Variants in PLEKHG3 observed in about 807,000 individuals in gnomAD.
PLEKHG3 encodes the protein pleckstrin homology domain-containing family G member 3.
A neutral mutation model predicts 94.9 loss-of-function variants in PLEKHG3; 62 were observed. The ratio of observed to expected loss-of-function variants is 0.65; its 90% CI spans 0.53 to 0.81. The LOEUF is 0.81. PLEKHG3 is among the 30% of genes least tolerant of loss of function. PLEKHG3 has a pLI of 0.00. For synonymous variants in PLEKHG3, 614 were observed against 654.0 expected, an observed-to-expected ratio of 0.94 and a Z score of 0.93; for missense variants, 1,461 against 1,619.3, an observed-to-expected ratio of 0.90 and a Z score of 1.68.
In PLEKHG3 at chr14:64,727,413, T is replaced by C. The variant is rs2081372705; in HGVS notation, c.-39-180T>C. 6.6e-6 allele frequency among the ~76,000 whole-genome samples: 1 copy of C among 152,226 alleles called. No individual in the cohort carries two copies. Among genetic ancestry groups the C allele is most frequent in the Non-Finnish European group, 1.5e-5 (1 of 68,040 alleles). On this transcript the variant is annotated intron_variant, in intron 1 of 16. Transcript: ENST00000247226. This position sits in a 1 kb window ranked among gnomAD's most constrained non-coding sequence, Gnocchi z 6.0. ...AGTTCAGTGACAGTAGGTACATTCA[T>C]ATCATTGTGCAATGTCATCACTGTC...
At chr14:64,729,281 C>T (rs191815068) in intron 3 of PLEKHG3, among the ~76,000 whole-genome samples, 188 bp downstream of exon 3, 68 of 152,200 alleles carry the variant, frequency 4.5e-4, no homozygotes, top group Middle Eastern at 6.8e-3. Flanking sequence ...CAAGGGCAGA[C>T]GGGGAGGTAA....
At position 64,732,448 on chromosome 14, in the gene PLEKHG3, A is replaced by G; in HGVS notation, c.1234A>G (p.Met412Val). Residue 412 changes from methionine (M) to valine (V), a missense_variant, in exon 11 of 17, where the codon ATG becomes GTG. Met to Val is a conservative substitution (Grantham distance 21). Coordinates refer to ENST00000247226, the MANE Select transcript of PLEKHG3 (RefSeq NM_001308147.2). The surrounding 1 kb of genome is among the most constrained non-coding windows in gnomAD (Gnocchi z 4.9). ...PQKAKEAILEMDSYYPNRYRC... is the reference protein window; with the variant it reads ...PQKAKEAILEVDSYYPNRYRC... ...TCAGGCCAAGGAAGCCATCTTGGAAATGGATTCCTATTGTAAGTGTACCCT... is the reference window on the plus strand; with the variant it reads ...TCAGGCCAAGGAAGCCATCTTGGAAGTGGATTCCTATTGTAAGTGTACCCT... The G allele has an allele frequency of 1.9e-6, 3 of 1,613,512 alleles. No homozygotes were observed. Among genetic ancestry groups the G allele is most frequent in the Non-Finnish European group, 2.5e-6 (3 of 1,179,424 alleles).
intron 15 of PLEKHG3, among the ~76,000 whole-genome samples, chr14:64,740,804 T>A (rs549710862): frequency 8.5e-5 from 13 of 152,328 alleles, no homozygotes; most frequent in African/African-American, 2.9e-4. Context: ...ACTGTTTTCC[T>A]TGGTTTTGAG....
At chr14:64,729,513 C>T (rs1250868636) in intron 3 of PLEKHG3, among the ~76,000 whole-genome samples, 1 of 152,192 alleles carries the variant, frequency 6.6e-6, no homozygotes, top group African/African-American at 2.4e-5. Flanking sequence ...TTGCACAACC[C>T]AGGCAAGACA....
At chr14:64,710,043 A>C (rs981696251) in intron 1 of PLEKHG3, among the ~76,000 whole-genome samples, 1 of 152,208 alleles carries the variant, frequency 6.6e-6, no homozygotes, top group African/African-American at 2.4e-5. Context: ...GCATGTAAGA[A>C]GGAGACCTAC....
At chr14:64,710,837 G>T (rs1453844123) in intron 1 of PLEKHG3, among the ~76,000 whole-genome samples, 4 of 151,618 alleles carry the variant, frequency 2.6e-5, no homozygotes, top group Non-Finnish European at 5.9e-5. Context: ...GGAGGGAGGG[G>T]GTGTGGAGGG....
rs150210946 is a variant in PLEKHG3 at position 64,722,695 on chromosome 14, G to T, written c.-39-4898G>T. Among the ~76,000 whole-genome samples, 7 of 152,284 alleles carry T rather than the reference G, an allele frequency of 4.6e-5. No individual in the cohort carries two copies. The East Asian group carries it at 1.4e-3, about 29-fold the overall frequency. On this transcript the variant is annotated intron_variant, in intron 1 of 16. Coordinates refer to ENST00000247226, the MANE Select transcript of PLEKHG3 (RefSeq NM_001308147.2). The surrounding 1 kb of genome is among the most constrained non-coding windows in gnomAD (Gnocchi z 4.3). ...GGTGAAGGGCAGTGGATGAAATGAC[G>T]ACATCAGCCTCTGAACCAGAATGTT...
intron 12 of PLEKHG3, among the ~76,000 whole-genome samples, chr14:64,733,434 C>T (rs1047768893): frequency 2.0e-4 from 31 of 152,310 alleles, no homozygotes; most frequent in African/African-American, 7.5e-4. Flanking sequence ...TCCCAAAGTA[C>T]TGGGATTATA....
rs1247106507 is a variant in PLEKHG3, at chr14:64,721,266, A to G, written c.-39-6327A>G. On this transcript the variant is annotated intron_variant, in intron 1 of 16. Transcript: ENST00000247226. This position sits in a 1 kb window ranked among gnomAD's most constrained non-coding sequence, Gnocchi z 4.3. The stretch of plus-strand genomic sequence containing the variant: ...ACACATTCCAGGTTTGGGAGACAAC[A>G]TGGGCACATGTTGGGTAGGTGGGGA... Among the ~76,000 whole-genome samples, 3 of 152,150 alleles carry G rather than the reference A, an allele frequency of 2.0e-5. No individual in the cohort carries two copies. Among genetic ancestry groups the G allele is most frequent in the African/African-American group, 7.2e-5 (3 of 41,440 alleles).
rs778768739 is a variant in PLEKHG3 at position 64,737,395 on chromosome 14, G to A, written c.1404+20G>A. 15 of 1,567,382 alleles carry A rather than the reference G, an allele frequency of 9.6e-6. No individual in the cohort carries two copies. Among genetic ancestry groups the A allele is most frequent in the Admixed American group, 9.1e-5 (5 of 54,822 alleles). The stretch of plus-strand genomic sequence containing the variant: ...ATGAAGGTAAAGGCCAGTGGGAGGA[G>A]GGGACTGGCTGACAGAGGAGGGTGG... On this transcript the variant is annotated intron_variant, in intron 14 of 16. Coordinates refer to ENST00000247226, the MANE Select transcript of PLEKHG3 (RefSeq NM_001308147.2).
intron 1 of PLEKHG3, among the ~76,000 whole-genome samples, chr14:64,711,201 G>A (rs557391584): frequency 3.3e-5 from 5 of 152,038 alleles, no homozygotes; most frequent in East Asian, 1.9e-4. Flanking sequence ...TTTGGAGCCC[G>A]CTCTTAGCCC....
chr14:64,744,728 T>G lies in PLEKHG3; in HGVS notation c.*1025T>G, dbSNP rs753812695. 6.6e-6 allele frequency: 1 copy of G among 151,710 alleles called. No individual in the cohort carries two copies. The highest frequency in any genetic ancestry group is 1.5e-5 in the Non-Finnish European group (1 of 68,006). 9.4% of individuals were successfully genotyped at this position (151,710 alleles called of 1,614,324 possible). On this transcript the variant is annotated 3_prime_UTR_variant, in exon 17 of 17. Coordinates refer to ENST00000247226, the MANE Select transcript of PLEKHG3 (RefSeq NM_001308147.2). Reference sequence around the variant, plus strand: ...GATGCTCCCAGTATCTGGTGCCTTTTGCGTTTCTCTCCGGTCCCCAGGAAA... The same window carrying G: ...GATGCTCCCAGTATCTGGTGCCTTTGGCGTTTCTCTCCGGTCCCCAGGAAA...
rs2081181189 is a variant in PLEKHG3, at chr14:64,717,146, T to TGTGTGTGA, written c.-39-10444_-39-10443insTGTGAGTG. 6.6e-6 allele frequency among the ~76,000 whole-genome samples: 1 copy of TGTGTGTGA among 151,792 alleles called. No homozygotes were observed. Among genetic ancestry groups the TGTGTGTGA allele is most frequent in the East Asian group, 1.9e-4 (1 of 5,182 alleles). On this transcript the variant is annotated intron_variant, in intron 1 of 16. Coordinates refer to ENST00000247226, the MANE Select transcript of PLEKHG3 (RefSeq NM_001308147.2). The surrounding 1 kb of genome is among the most constrained non-coding windows in gnomAD (Gnocchi z 4.7). ...GTGTGTGTGTGTGTGTGTGTGTGTG[T>TGTGTGTGA]GTGAGTCCATAAGGTCTGCTTTGGA...
Position 64,744,770 on chromosome 14 carries a change from G to GTTT in PLEKHG3, c.*1067_*1068insTTT, listed in dbSNP as rs1166322524. 2.3e-5 allele frequency: 3 copies of GTTT among 130,688 alleles called. No individual in the cohort carries two copies. Among genetic ancestry groups the GTTT allele is most frequent in the African/African-American group, 3.3e-5 (1 of 30,404 alleles). 8.1% of individuals were successfully genotyped at this position (130,688 alleles called of 1,614,324 possible). ...CCCAGGAAACATCCTAGAAGACAAG[G>GTTT]ATTTTTTTTTTTTTTTTTTTTGAGA... On this transcript the variant is annotated 3_prime_UTR_variant, in exon 17 of 17. Coordinates refer to ENST00000247226, the MANE Select transcript of PLEKHG3 (RefSeq NM_001308147.2).
intron 1 of PLEKHG3, among the ~76,000 whole-genome samples, chr14:64,707,462 A>G (rs1409214753): frequency 6.6e-6 from 1 of 152,284 alleles, no homozygotes; most frequent in Non-Finnish European, 1.5e-5. Context: ...TGCCAGATGC[A>G]GAAGACACAG....
In PLEKHG3 at chr14:64,721,026, A is replaced by G. The variant is rs1355923409; in HGVS notation, c.-39-6567A>G. On this transcript the variant is annotated intron_variant, in intron 1 of 16. Coordinates refer to ENST00000247226, the MANE Select transcript of PLEKHG3 (RefSeq NM_001308147.2). The surrounding 1 kb of genome is among the most constrained non-coding windows in gnomAD (Gnocchi z 4.3). Reference sequence around the variant, plus strand: ...AGGCCCACCGGGCTAATCCAGGATAATCTTCCATCTTAAAATCCTTGATTT... The same window carrying G: ...AGGCCCACCGGGCTAATCCAGGATAGTCTTCCATCTTAAAATCCTTGATTT... Among the ~76,000 whole-genome samples, 2 of 152,176 alleles carry G rather than the reference A, an allele frequency of 1.3e-5. No individual in the cohort carries two copies. The highest frequency in any genetic ancestry group is 2.9e-5 in the Non-Finnish European group (2 of 68,040).
rs1566706701 is a variant in PLEKHG3 at position 64,731,488 on chromosome 14, C to T, written c.977C>T (p.Thr326Ile). 4 of 1,614,170 alleles carry T rather than the reference C, an allele frequency of 2.5e-6. No homozygotes were observed. Among genetic ancestry groups the T allele is most frequent in the Non-Finnish European group, 2.5e-6 (3 of 1,180,014 alleles). Residue 326 changes from threonine (T) to isoleucine (I), a missense_variant, in exon 8 of 17, where the codon ACA becomes ATA. Thr to Ile is a moderately conservative substitution (Grantham distance 89, BLOSUM62 -1). Around this residue, in one of 3 missense-constraint regions of PLEKHG3, gnomAD observed 1,201 missense variants for 1,295.5 expected, o/e 0.93. Transcript: ENST00000247226. This position sits in a 1 kb window ranked among gnomAD's most constrained non-coding sequence, Gnocchi z 6.1. ...AGGACCTTTTTCCTCTTTGACAAAACACTGCTTATCACCAAGAAGCGGGGC... is the reference window on the plus strand; with the variant it reads ...AGGACCTTTTTCCTCTTTGACAAAATACTGCTTATCACCAAGAAGCGGGGC... ...NERTFFLFDK[T>I]LLITKKRGDH...
In PLEKHG3 at chr14:64,717,687, T is replaced by A. The variant is rs184778853; in HGVS notation, c.-39-9906T>A. Among the ~76,000 whole-genome samples the A allele has an allele frequency of 3.3e-5, 5 of 152,228 alleles. No individual in the cohort carries two copies. In the East Asian group the frequency reaches 9.7e-4, roughly 29 times the overall value. ...CCCCCTTTGCAAGGGTTGGAATGGGTCTCATTCTTTCTAGCTAATGTTCCC... is the reference window on the plus strand; with the variant it reads ...CCCCCTTTGCAAGGGTTGGAATGGGACTCATTCTTTCTAGCTAATGTTCCC... On this transcript the variant is annotated intron_variant, in intron 1 of 16. Transcript: ENST00000247226. This position sits in a 1 kb window ranked among gnomAD's most constrained non-coding sequence, Gnocchi z 4.7.
chr14:64,731,854 G>T lies in PLEKHG3; in HGVS notation c.1125+48G>T. The T allele has an allele frequency of 7.3e-7, 1 of 1,362,768 alleles. No homozygotes were observed. The allele number at this position is 1,362,768 out of a possible 1,614,324, so 84.4% of individuals were successfully genotyped here. A position where few individuals can be genotyped will look rare whatever the true frequency, so the allele number is the denominator to read the frequency against. On this transcript the variant is annotated intron_variant, in intron 9 of 16. Transcript: ENST00000247226. The surrounding 1 kb of genome is among the most constrained non-coding windows in gnomAD (Gnocchi z 6.1). ...GGGCTAGGGAACAAGATGCCCAGGG[G>T]ACACCTGCGTGGGACTCCTGGCTCC...
Sources: gnomAD v4.1 joint callset for allele counts (sites outside exome capture counted in the v4.1 genomes callset) on GRCh38, gnomAD v4.1.1 for gene constraint, gnomAD v4.1.1 regional missense constraint, Gnocchi (gnomAD v3.1) non-coding constraint, MANE v1.5 for transcripts, NCBI Gene and HGNC (gene_info 2026-07-23, HGNC 2026-07-21) for gene names.